Variants in EXOC6B observed in about 807,000 individuals in gnomAD.
The protein encoded by EXOC6B is exocyst complex component 6B.
A neutral mutation model predicts 113.5 loss-of-function variants in EXOC6B; 54 were observed. The ratio of observed to expected loss-of-function variants is 0.48; its 90% CI spans 0.38 to 0.60. The LOEUF (loss-of-function observed/expected upper bound fraction) is 0.60. Among genes scored for constraint, EXOC6B ranks in the 20% least tolerant of loss-of-function variants. The pLI, the probability that EXOC6B is intolerant of heterozygous loss-of-function variation, is 0.00. For synonymous variants in EXOC6B, 357 were observed against 339.0 expected (o/e 1.05, Z -0.58); for missense variants, 797 against 977.5 (o/e 0.82, Z 2.46).
Position 72,379,853 on chromosome 2 carries a change from T to C in EXOC6B, c.1998A>G (p.Thr666=). The stretch of plus-strand genomic sequence containing the variant: ...AATGCTTGCAAGCTGACATACACGC[T>C]GTCTGGGCCACCTTTCCCTGAAACA... ...FTHLPGKVAQ[T]ACMSACKHLA... is the part of the protein sequence containing the mutation. The change falls in exon 19 of 22, where the codon ACA becomes ACG. Residue 666 remains threonine (T), a synonymous_variant. Coordinates refer to ENST00000272427, the MANE Select transcript of EXOC6B (RefSeq NM_015189.3). 6.2e-7 allele frequency: 1 copy of C among 1,610,386 alleles called. No homozygotes were observed. Among genetic ancestry groups the C allele is most frequent in the Non-Finnish European group, 8.5e-7 (1 of 1,178,106 alleles).
intron 15 of EXOC6B, among the ~76,000 whole-genome samples, chr2:72,493,319 T>TTCCCCC (rs1699850673): frequency 1.7e-5 from 2 of 114,926 alleles, no homozygotes; most frequent in Non-Finnish European, 3.4e-5. Context: ...TCTGTTTTTC[T>TTCCCCC]CCCCCCCCCC....
At chr2:72,279,512 A>G (rs1340686707) in intron 20 of EXOC6B, among the ~76,000 whole-genome samples, 2 of 152,190 alleles carry the variant, frequency 1.3e-5, no homozygotes, top group Non-Finnish European at 2.9e-5. Flanking sequence ...TACAGACCAT[A>G]TTCTTCACAA....
At chr2:72,447,102 CAA>C (rs1181938069) in intron 18 of EXOC6B, among the ~76,000 whole-genome samples, 10 of 123,342 alleles carry the variant, frequency 8.1e-5, no homozygotes, top group South Asian at 2.7e-4. Flanking sequence ...GACTTCGTCT[CAA>C]AAAAAAAAAA....
intron 1 of EXOC6B, among the ~76,000 whole-genome samples, chr2:72,778,278 GA>G (rs1239547795): frequency 6.6e-6 from 1 of 152,100 alleles, no homozygotes; most frequent in Non-Finnish European, 1.5e-5. Context: ...AAATAGGTTG[GA>G]AGTGAAAGGA....
At chr2:72,625,368 T>C (rs894489571) in intron 6 of EXOC6B, among the ~76,000 whole-genome samples, 2 of 152,184 alleles carry the variant, frequency 1.3e-5, no homozygotes, top group Non-Finnish European at 2.9e-5. Flanking sequence ...AGTCTTTTCA[T>C]ATTTGCCTAT....
chr2:72,647,750 C>A (rs188999625), intron 6 of EXOC6B, among the ~76,000 whole-genome samples: 3 of 152,284 alleles, frequency 2.0e-5, no homozygotes, highest in Admixed American at 1.3e-4. Context: ...AAACTGGATC[C>A]CTTTCTTACA....
rs906231984 is a variant in EXOC6B at position 72,249,500 on chromosome 2, GA to G, written c.2197-65314del. On this transcript the variant is annotated intron_variant, in intron 20 of 21. Coordinates refer to ENST00000272427, the MANE Select transcript of EXOC6B (RefSeq NM_015189.3). The stretch of plus-strand genomic sequence containing the variant: ...CCTTGTCTCTTTTTTAAAAAGAAAA[GA>G]AAAAAAAAAAGGAGGTAAACAGTTT... Among the ~76,000 whole-genome samples, 448 of 135,634 alleles carry G rather than the reference GA, an allele frequency of 3.3e-3. 1 individual carries two copies. The highest frequency in any genetic ancestry group is 7.5e-3 in the Middle Eastern group (2 of 268). The allele number at this position is 135,634 out of a possible 152,430, so 89.0% of individuals were successfully genotyped here.
At chr2:72,347,728 A>C (rs1271369507) in intron 19 of EXOC6B, among the ~76,000 whole-genome samples, 1 of 152,152 alleles carries the variant, frequency 6.6e-6, no homozygotes. Context: ...CTTACAGCAC[A>C]TGTCATTTTC....
intron 1 of EXOC6B, among the ~76,000 whole-genome samples, chr2:72,760,917 T>C (rs1401352992): frequency 6.6e-6 from 1 of 152,202 alleles, no homozygotes; most frequent in African/African-American, 2.4e-5. Context: ...GGGGGGCTCA[T>C]GCCTGTAATC....
intron 7 of EXOC6B, among the ~76,000 whole-genome samples, chr2:72,573,500 C>T (rs1704637034): frequency 6.6e-6 from 1 of 152,168 alleles, no homozygotes; most frequent in African/African-American, 2.4e-5. Context: ...TGCTAGAAAA[C>T]ATTCAGGGGA....
At chr2:72,280,816 C>T (rs1277576258) in intron 20 of EXOC6B, among the ~76,000 whole-genome samples, 1 of 151,826 alleles carries the variant, frequency 6.6e-6, no homozygotes, top group Admixed American at 6.6e-5. Flanking sequence ...GAAAGAGAGG[C>T]AAAGAGGCTA....
chr2:72,307,921 A>G (rs2104779153), intron 20 of EXOC6B, among the ~76,000 whole-genome samples: 1 of 152,208 alleles, frequency 6.6e-6, no homozygotes, highest in East Asian at 1.9e-4. Context: ...ACTTAATAAA[A>G]TCTGTATCAG....
rs538158351 is a variant in EXOC6B, at chr2:72,206,908, T to A, written c.2197-22721A>T. 2.6e-5 allele frequency among the ~76,000 whole-genome samples: 4 copies of A among 152,308 alleles called. No individual in the cohort carries two copies. The South Asian group carries it at 8.3e-4, about 32-fold the overall frequency. On this transcript the variant is annotated intron_variant, in intron 20 of 21. Coordinates refer to ENST00000272427, the MANE Select transcript of EXOC6B (RefSeq NM_015189.3). ...AACATATGCTTTTTGCAAAAAAAAT[T>A]CAGAAAAAACTTATTTAATTCAGAA...
intron 17 of EXOC6B, among the ~76,000 whole-genome samples, chr2:72,468,446 A>C (rs1437232429): frequency 6.6e-6 from 1 of 152,196 alleles, no homozygotes; most frequent in African/African-American, 2.4e-5. Flanking sequence ...TCTTTGTCAA[A>C]AATTAACTGA....
chr2:72,661,495 C>A (rs1675014287), intron 6 of EXOC6B, among the ~76,000 whole-genome samples: 1 of 150,596 alleles, frequency 6.6e-6, no homozygotes, highest in South Asian at 2.1e-4. Flanking sequence ...AATTTAAAAC[C>A]AAAAAATTCT....
chr2:72,536,849 T>C (rs1702317541), intron 8 of EXOC6B, among the ~76,000 whole-genome samples: 1 of 152,218 alleles, frequency 6.6e-6, no homozygotes, highest in Non-Finnish European at 1.5e-5. Context: ...TTATTTGAGA[T>C]CATTGATTTT....
At position 72,217,072 on chromosome 2, in the gene EXOC6B, A is replaced by G. The variant is rs1680587625; in HGVS notation, c.2197-32885T>C. 5.3e-5 allele frequency among the ~76,000 whole-genome samples: 8 copies of G among 151,562 alleles called. No individual in the cohort carries two copies. The South Asian group carries it at 1.7e-3, about 32-fold the overall frequency. On this transcript the variant is annotated intron_variant, in intron 20 of 21. Transcript: ENST00000272427. ...AAAAGTATAGTAACCAAGGTATGAG[A>G]AGGTAGCCTGAACCAAGGTATTCTC...
At chr2:72,660,820 T>A (rs1469716599) in intron 6 of EXOC6B, among the ~76,000 whole-genome samples, 1 of 89,966 alleles carries the variant, frequency 1.1e-5, no homozygotes, top group Non-Finnish European at 2.0e-5. Flanking sequence ...TAAGTTTACC[T>A]TTTTTTTTTT....
chr2:72,418,426 C>A (rs1003919819), intron 18 of EXOC6B, among the ~76,000 whole-genome samples: 13 of 152,130 alleles, frequency 8.5e-5, no homozygotes, highest in Non-Finnish European at 4.4e-5. Flanking sequence ...AAGTTTCCCA[C>A]TGTTATTGCA....
Sources: allele counts gnomAD v4.1 joint callset (sites outside exome capture counted in the v4.1 genomes callset), GRCh38; gene constraint gnomAD v4.1.1; transcripts MANE v1.5; gene names NCBI Gene and HGNC (gene_info 2026-07-23, HGNC 2026-07-21).